The following CCDC6 variants were observed in gnomAD, a reference collection of about 807,000 sequenced individuals.
CCDC6 encodes the protein coiled-coil domain containing 6, also known as coiled-coil domain-containing protein 6.
CCDC6 carries 20 observed loss-of-function variants against 56.6 expected under a neutral mutation model. The ratio of observed to expected loss-of-function variants is 0.35; its 90% CI spans 0.25 to 0.51. The LOEUF (loss-of-function observed/expected upper bound fraction) is 0.51. Ranked by LOEUF, CCDC6 falls within the 20% of genes least tolerant of loss-of-function variation. CCDC6 has a pLI of 0.95. For synonymous variants in CCDC6, 241 were observed against 234.4 expected (o/e 1.03, Z -0.26); for missense variants, 367 against 601.1 (o/e 0.61, Z 4.07).
Position 59,896,600 on chromosome 10 carries a change from AC to A in CCDC6, c.303+9521del, listed in dbSNP as rs1233421479. Reference sequence around the variant, plus strand: ...AGTAAGTCTTTCTTTAAAAAAAAAAACAAACAAAAACAAGAACAAAAACAAA... The same window carrying A: ...AGTAAGTCTTTCTTTAAAAAAAAAAAAAACAAAAACAAGAACAAAAACAAA... On this transcript the variant is annotated intron_variant, in intron 1 of 8. Coordinates refer to ENST00000263102, the MANE Select transcript of CCDC6 (RefSeq NM_005436.5). 4.0e-4 allele frequency among the ~76,000 whole-genome samples: 60 copies of A among 151,892 alleles called. 1 individual carries two copies. The highest frequency in any genetic ancestry group is 4.4e-4 in the Non-Finnish European group (30 of 67,940).
intron 1 of CCDC6, among the ~76,000 whole-genome samples, chr10:59,864,855 C>T (rs1170629536): frequency 6.6e-6 from 1 of 151,978 alleles, no homozygotes; most frequent in Non-Finnish European, 1.5e-5. Context: ...AGAGATCAGA[C>T]AAAAAAGGGC....
chr10:59,885,149 C>T (rs75372040), intron 1 of CCDC6, among the ~76,000 whole-genome samples: 1 of 152,012 alleles, frequency 6.6e-6, no homozygotes, highest in Non-Finnish European at 1.5e-5. Flanking sequence ...ACAGAGAATA[C>T]GTGTGAATCA....
chr10:59,850,297 C>T lies in CCDC6; in HGVS notation c.453+2256G>A, dbSNP rs111280170. 2.4e-3 allele frequency among the ~76,000 whole-genome samples: 367 copies of T among 152,296 alleles called. 2 individuals are homozygous for T. The highest frequency in any genetic ancestry group is 8.4e-3 in the African/African-American group (350 of 41,554). On this transcript the variant is annotated intron_variant, in intron 2 of 8. Transcript: ENST00000263102. The stretch of plus-strand genomic sequence containing the variant: ...TGCACAACAAGCTGAAAATGCTTAA[C>T]GCCACCAAATTGTACACTCAAAAAT...
At chr10:59,823,292 T>C (rs1392870839) in intron 3 of CCDC6, among the ~76,000 whole-genome samples, 1 of 152,182 alleles carries the variant, frequency 6.6e-6, no homozygotes, top group Non-Finnish European at 1.5e-5. Flanking sequence ...AAGCCGTCCA[T>C]GGACAGCAGA....
At chr10:59,795,731 G>C (rs976167579) in intron 7 of CCDC6, among the ~76,000 whole-genome samples, 1 of 149,470 alleles carries the variant, frequency 6.7e-6, no homozygotes, top group Non-Finnish European at 1.5e-5. Context: ...GTGGTGTTTC[G>C]TTTTTTGTCC....
At chr10:59,900,021 C>T (rs1281956431) in intron 1 of CCDC6, among the ~76,000 whole-genome samples, 2 of 152,174 alleles carry the variant, frequency 1.3e-5, no homozygotes, top group Non-Finnish European at 2.9e-5. Flanking sequence ...GTGTTGGCAC[C>T]TTCATCACAG....
chr10:59,808,640 G>A (rs1221286380), intron 5 of CCDC6, among the ~76,000 whole-genome samples: 3 of 152,192 alleles, frequency 2.0e-5, no homozygotes, highest in Non-Finnish European at 4.4e-5. Context: ...AGAGTTTCCT[G>A]TAGGCTGCTG....
At chr10:59,901,356 A>G (rs2071502827) in intron 1 of CCDC6, among the ~76,000 whole-genome samples, 2 of 152,260 alleles carry the variant, frequency 1.3e-5, no homozygotes, top group African/African-American at 4.8e-5. Context: ...TCAGAGTCTG[A>G]CAAAAGTCTT....
chr10:59,830,649 A>C (rs1477396392), intron 3 of CCDC6, among the ~76,000 whole-genome samples: 2 of 152,252 alleles, frequency 1.3e-5, no homozygotes, highest in African/African-American at 4.8e-5. Flanking sequence ...CTAAAAGGTC[A>C]CTAAGTTATT....
chr10:59,878,800 C>T (rs975065397), intron 1 of CCDC6, among the ~76,000 whole-genome samples: 2 of 152,104 alleles, frequency 1.3e-5, no homozygotes, highest in Non-Finnish European at 2.9e-5. Context: ...ATGGGGCATC[C>T]CAATGAAGTT....
chr10:59,804,605 C>T, intron 6 of CCDC6, 85 bp from the exon 7 acceptor site: 1 of 786,940 alleles, frequency 1.3e-6, no homozygotes, highest in Middle Eastern at 2.6e-4. Flanking sequence ...GTTTGGGGTT[C>T]ACACCTTGAG....
At chr10:59,833,935 C>T (rs1449789499) in intron 2 of CCDC6, among the ~76,000 whole-genome samples, 1 of 152,124 alleles carries the variant, frequency 6.6e-6, no homozygotes, top group African/African-American at 2.4e-5. Flanking sequence ...GACCCAGAAC[C>T]CCAAACCAGT....
chr10:59,828,636 G>A (rs2070809577), intron 3 of CCDC6, among the ~76,000 whole-genome samples: 1 of 152,120 alleles, frequency 6.6e-6, no homozygotes, highest in African/African-American at 2.4e-5. Context: ...TGTGACTTAA[G>A]AAACCCTCCC....
At chr10:59,843,788 C>T (rs528099974) in intron 2 of CCDC6, among the ~76,000 whole-genome samples, 23 of 152,202 alleles carry the variant, frequency 1.5e-4, no homozygotes, top group Non-Finnish European at 2.8e-4. Context: ...TTGTGTCTCT[C>T]ATTTACCCAG....
chr10:59,837,073 A>G (rs1411494787), intron 2 of CCDC6, among the ~76,000 whole-genome samples: 1 of 152,240 alleles, frequency 6.6e-6, no homozygotes, highest in Non-Finnish European at 1.5e-5. Flanking sequence ...GCTAGCCTTA[A>G]GCATCATCCA....
intron 1 of CCDC6, among the ~76,000 whole-genome samples, chr10:59,891,153 T>C (rs2071419691): frequency 1.3e-5 from 2 of 152,212 alleles, no homozygotes; most frequent in South Asian, 4.1e-4. Flanking sequence ...GACATATGTA[T>C]ACTAAAAAAT....
At chr10:59,869,051 T>A (rs556445392) in intron 1 of CCDC6, among the ~76,000 whole-genome samples, 1 of 152,212 alleles carries the variant, frequency 6.6e-6, no homozygotes, top group Admixed American at 6.5e-5. Flanking sequence ...TGGGGACTCC[T>A]GACACACCCT....
chr10:59,900,015 T>A (rs1278823754), intron 1 of CCDC6, among the ~76,000 whole-genome samples: 3 of 152,194 alleles, frequency 2.0e-5, no homozygotes, highest in Non-Finnish European at 4.4e-5. Context: ...GAGAGAGTGT[T>A]GGCACCTTCA....
intron 2 of CCDC6, among the ~76,000 whole-genome samples, chr10:59,844,760 A>G (rs74339617): frequency 0.013 from 1,151 of 89,142 alleles, 19 homozygotes; most frequent in African/African-American, 0.042. Flanking sequence ...AAAAAAAAAA[A>G]AAAGAGAGAG....
Sources: gnomAD v4.1 joint callset for allele counts (sites outside exome capture counted in the v4.1 genomes callset) on GRCh38, gnomAD v4.1.1 for gene constraint, MANE v1.5 for transcripts, NCBI Gene and HGNC (gene_info 2026-07-23, HGNC 2026-07-21) for gene names.